Variants in MAPKAPK5 observed in about 807,000 individuals in gnomAD.
MAPKAPK5 encodes the protein MAP kinase-activated protein kinase 5.
A neutral mutation model predicts 65.1 loss-of-function variants in MAPKAPK5; 30 were observed. That is an observed-to-expected ratio of 0.46 (90% confidence interval 0.34 to 0.63). The LOEUF is 0.63. Among genes scored for constraint, MAPKAPK5 ranks in the 20% least tolerant of loss-of-function variants. The probability of loss-of-function intolerance (pLI) is 0.01; values close to 1 mark genes in which losing one functional copy is unlikely to be tolerated. For synonymous variants in MAPKAPK5, 179 were observed against 204.6 expected (o/e 0.87, Z 1.07); for missense variants, 433 against 581.4 (o/e 0.74, Z 2.63).
At chr12:111,847,067 C>T (rs999454208) in intron 1 of MAPKAPK5, among the ~76,000 whole-genome samples, 13 of 151,840 alleles carry the variant, frequency 8.6e-5, no homozygotes, top group Non-Finnish European at 1.8e-4. Flanking sequence ...AGGGGCTGGG[C>T]GTGGTGGCTT....
chr12:111,865,049 T>C (rs1236221533), intron 1 of MAPKAPK5, among the ~76,000 whole-genome samples: 1 of 152,238 alleles, frequency 6.6e-6, no homozygotes, highest in Non-Finnish European at 1.5e-5. Flanking sequence ...GCTTTCTTGT[T>C]GGAAAATTGG....
At chr12:111,878,341 A>G (rs374549471) in intron 7 of MAPKAPK5, among the ~76,000 whole-genome samples, 1 of 151,948 alleles carries the variant, frequency 6.6e-6, no homozygotes. Context: ...TGAGGTATGG[A>G]TCCAAGTTCA....
At chr12:111,866,257 T>G (rs2069607988) in intron 3 of MAPKAPK5, 26 bp downstream of exon 3, 1 of 1,586,300 alleles carries the variant, frequency 6.3e-7, no homozygotes, top group Non-Finnish European at 8.6e-7. Flanking sequence ...TCGACTTAAT[T>G]AAATAGTTGA....
chr12:111,884,889 G>C (rs1184442991), intron 9 of MAPKAPK5, among the ~76,000 whole-genome samples: 2 of 152,156 alleles, frequency 1.3e-5, no homozygotes, highest in African/African-American at 4.8e-5. Context: ...TAGAAGGTGG[G>C]GGTTGGGGGC....
Position 111,900,108 on chromosome 12 carries a change from G to C in MAPKAPK5, c.*7047G>C, listed in dbSNP as rs2070977004. On this transcript the variant is annotated 3_prime_UTR_variant, in exon 14 of 14. Transcript: ENST00000550735. Reference sequence around the variant, plus strand: ...CACAGAGGTGGTGCTGGCTGGAATGGAGATTTGGACCGAGGGGGACCTAAT... The same window carrying C: ...CACAGAGGTGGTGCTGGCTGGAATGCAGATTTGGACCGAGGGGGACCTAAT... 2 of 455,984 alleles carry C rather than the reference G, an allele frequency of 4.4e-6. No homozygotes were observed. Among genetic ancestry groups the C allele is most frequent in the Non-Finnish European group, 8.8e-6 (2 of 226,802 alleles). The allele number at this position is 455,984 out of a possible 1,614,324, so 28.2% of individuals were successfully genotyped here. A position where few individuals can be genotyped will look rare whatever the true frequency, so the allele number is the denominator to read the frequency against.
intron 7 of MAPKAPK5, among the ~76,000 whole-genome samples, chr12:111,874,012 G>A (rs2069869425): frequency 6.6e-6 from 1 of 152,118 alleles, no homozygotes; most frequent in African/African-American, 2.4e-5. Context: ...CCTAAAAAAT[G>A]TTTATGCTTC....
chr12:111,890,177 A>G, intron 13 of MAPKAPK5, 33 bp downstream of exon 13: 1 of 1,427,564 alleles, frequency 7.0e-7, no homozygotes, highest in Non-Finnish European at 9.7e-7. Flanking sequence ...TTCCCCAGGA[A>G]TGCAGACAAG....
chr12:111,882,622 G>A (rs567213878), intron 8 of MAPKAPK5, among the ~76,000 whole-genome samples: 1 of 152,218 alleles, frequency 6.6e-6, no homozygotes, highest in Non-Finnish European at 1.5e-5. Flanking sequence ...CCTTTATGCA[G>A]TGATATAGGC....
chr12:111,871,798 G>A (rs1278070321), intron 7 of MAPKAPK5, among the ~76,000 whole-genome samples: 1 of 152,102 alleles, frequency 6.6e-6, no homozygotes, highest in Non-Finnish European at 1.5e-5. Flanking sequence ...TGTGGAACAC[G>A]CCCCTCACTT....
intron 13 of MAPKAPK5, among the ~76,000 whole-genome samples, chr12:111,891,208 C>T (rs1412384271): frequency 2.6e-5 from 4 of 151,730 alleles, no homozygotes; most frequent in African/African-American, 9.7e-5. Context: ...ATTCTCCCAC[C>T]CCAGCCTCCC....
At chr12:111,843,063 G>T (rs1027564290) in intron 1 of MAPKAPK5, 1 of 398,740 alleles carries the variant, frequency 2.5e-6, no homozygotes, top group East Asian at 3.6e-5. Flanking sequence ...GACGAAGAGA[G>T]CCCTACTACT....
At chr12:111,857,180 T>G (rs2069269101) in intron 1 of MAPKAPK5, among the ~76,000 whole-genome samples, 1 of 152,108 alleles carries the variant, frequency 6.6e-6, no homozygotes, top group Non-Finnish European at 1.5e-5. Flanking sequence ...AGAAAATAAT[T>G]TTTTCCATGT....
In MAPKAPK5 at chr12:111,888,455, A is replaced by G. The variant is rs769700754; in HGVS notation, c.970-33A>G. The G allele has an allele frequency of 3.7e-6, 6 of 1,610,526 alleles. No individual in the cohort carries two copies. In the South Asian group the frequency reaches 5.5e-5, roughly 15 times the overall value. On this transcript the variant is annotated intron_variant, in intron 10 of 13. Coordinates refer to ENST00000550735, the MANE Select transcript of MAPKAPK5 (RefSeq NM_003668.4). ...TGGCTTTTTAGGTGCCCAGCAATGAATATGAAAAACTGACGGCAGTGTTTG... is the reference window on the plus strand; with the variant it reads ...TGGCTTTTTAGGTGCCCAGCAATGAGTATGAAAAACTGACGGCAGTGTTTG...
At chr12:111,868,929 GGAA>G in intron 5 of MAPKAPK5, 68 bp downstream of exon 5, 1 of 1,181,960 alleles carries the variant, frequency 8.5e-7, no homozygotes, top group East Asian at 2.6e-5. Context: ...TTCATTGGGG[GGAA>G]GAAAAGAAAA....
chr12:111,893,422 G>A lies in MAPKAPK5; in HGVS notation c.*361G>A, dbSNP rs1390414675. 6.5e-6 allele frequency: 1 copy of A among 153,952 alleles called. No homozygotes were observed. The highest frequency in any genetic ancestry group is 2.4e-5 in the African/African-American group (1 of 41,466). The allele number at this position is 153,952 out of a possible 1,614,324, so 9.5% of individuals were successfully genotyped here. ...AGTAAACAGTTGAATCAAGGACTCT[G>A]GATTCTGGTTTCAATTGCCCTGTGT... On this transcript the variant is annotated 3_prime_UTR_variant, in exon 14 of 14. Transcript: ENST00000550735.
chr12:111,849,998 A>G (rs1294387476), intron 1 of MAPKAPK5, among the ~76,000 whole-genome samples: 1 of 151,772 alleles, frequency 6.6e-6, no homozygotes, highest in African/African-American at 2.4e-5. Context: ...TGCTAGAATT[A>G]TAGGCATGAA....
Position 111,870,276 on chromosome 12 carries a change from T to A in MAPKAPK5, c.399T>A (p.Ala133=), listed in dbSNP as rs1368221127. The A allele has an allele frequency of 1.3e-6, 2 of 1,599,938 alleles. No homozygotes were observed. The highest frequency in any genetic ancestry group is 1.7e-6 in the Non-Finnish European group (2 of 1,168,438). Residue 133 remains alanine (A), a synonymous_variant, in exon 6 of 14, where the codon GCT becomes GCA. Coordinates refer to ENST00000550735, the MANE Select transcript of MAPKAPK5 (RefSeq NM_003668.4). The part of the protein sequence containing the change: ...KQASQVTKQI[A]LALRHCHLLN... ...TTCATTGTGTCTTTTTTCAGATAGC[T>A]TTGGCTCTGCGGCACTGTCACTTGT...
intron 1 of MAPKAPK5, among the ~76,000 whole-genome samples, chr12:111,849,412 TG>T (rs2069002120): frequency 1.3e-5 from 2 of 152,254 alleles, no homozygotes; most frequent in South Asian, 4.1e-4. Context: ...TCCACCACCA[TG>T]CCTAGCTAAT....
chr12:111,843,281 T>G (rs2068789338), intron 1 of MAPKAPK5: 1 of 398,544 alleles, frequency 2.5e-6, no homozygotes, highest in Non-Finnish European at 4.4e-6. Context: ...ATTCTCCCCT[T>G]TTTCTTTTTC....
Sources: allele counts gnomAD v4.1 joint callset (sites outside exome capture counted in the v4.1 genomes callset), GRCh38; gene constraint gnomAD v4.1.1; transcripts MANE v1.5; gene names NCBI Gene and HGNC (gene_info 2026-07-23, HGNC 2026-07-21).